LMX1A: variants seen among roughly 807,000 people sequenced by gnomAD.
LMX1A encodes LIM homeobox transcription factor 1-alpha.
In LMX1A, 15 loss-of-function variants were observed where a neutral mutation model predicts 49.1. The observed-to-expected ratio is 0.31, with a 90% CI of 0.20 to 0.47. LMX1A has a LOEUF of 0.47. Among genes scored for constraint, LMX1A ranks in the 20% least tolerant of loss-of-function variants. The pLI is 1.00. For missense variants in LMX1A, 372 were observed against 475.8 expected (o/e 0.78, Z 2.03); for synonymous variants, 167 against 185.7 (o/e 0.90, Z 0.82).
At chr1:165,316,822 C>A (rs949992134) in intron 3 of LMX1A, among the ~76,000 whole-genome samples, 31 of 152,150 alleles carry the variant, frequency 2.0e-4, no homozygotes, top group Admixed American at 1.2e-3. Context: ...CCTGTTGCAG[C>A]AACACCTCCC....
intron 3 of LMX1A, among the ~76,000 whole-genome samples, chr1:165,328,044 G>A (rs1655638865): frequency 6.6e-6 from 1 of 152,208 alleles, no homozygotes; most frequent in Admixed American, 6.5e-5. Context: ...AGACTAGTGG[G>A]GAAAGAAAGA....
chr1:165,279,906 C>T lies in LMX1A; in HGVS notation c.264-30266G>A, dbSNP rs192384958. Among the ~76,000 whole-genome samples, 30 of 151,986 alleles carry T rather than the reference C, an allele frequency of 2.0e-4. 1 individual carries two copies. The East Asian group carries it at 5.8e-3, about 30-fold the overall frequency. The stretch of plus-strand genomic sequence containing the variant: ...CCCCTCTCCCTGGGGCGGGCAAGTG[C>T]TCGTTTTACTGCCTGGCAACCAGAC... On this transcript the variant is annotated intron_variant, in intron 3 of 8. Transcript: ENST00000342310.
chr1:165,298,678 A>G (rs1654692458), intron 3 of LMX1A, among the ~76,000 whole-genome samples: 1 of 152,242 alleles, frequency 6.6e-6, no homozygotes, highest in Non-Finnish European at 1.5e-5. Context: ...AACCCACATA[A>G]GGTGTAACTT....
chr1:165,328,850 G>A (rs1379989625), intron 3 of LMX1A, among the ~76,000 whole-genome samples: 2 of 152,204 alleles, frequency 1.3e-5, no homozygotes, highest in African/African-American at 4.8e-5. Context: ...CAGTGCAATT[G>A]TCAGGAAAAA....
At chr1:165,204,583 A>G (rs193234400) in intron 8 of LMX1A, among the ~76,000 whole-genome samples, 1 of 152,362 alleles carries the variant, frequency 6.6e-6, no homozygotes, top group Non-Finnish European at 1.5e-5. Flanking sequence ...GGAAGCCAGT[A>G]GGGCACACAT....
At chr1:165,208,644 A>AT (rs1651203548) in intron 6 of LMX1A, among the ~76,000 whole-genome samples, 1 of 151,756 alleles carries the variant, frequency 6.6e-6, no homozygotes. Flanking sequence ...ATAGTTTTTT[A>AT]TTTTTTATTT....
chr1:165,302,213 C>T (rs1177803077), intron 3 of LMX1A, among the ~76,000 whole-genome samples: 11 of 144,260 alleles, frequency 7.6e-5, no homozygotes, highest in South Asian at 6.7e-4. Context: ...CGGTGGGGGG[C>T]GGGGTGGATC....
At chr1:165,257,550 T>C (rs1405990892) in intron 3 of LMX1A, among the ~76,000 whole-genome samples, 1 of 152,154 alleles carries the variant, frequency 6.6e-6, no homozygotes, top group Non-Finnish European at 1.5e-5. Context: ...GAACAAATAG[T>C]GTGTGGGGAC....
intron 4 of LMX1A, among the ~76,000 whole-genome samples, chr1:165,240,970 A>G (rs1451452071): frequency 2.0e-5 from 3 of 152,228 alleles, no homozygotes; most frequent in East Asian, 1.9e-4. Flanking sequence ...CTGGTCTATT[A>G]AAGAAAGGTA....
At chr1:165,343,416 TAA>T (rs1168251510) in intron 3 of LMX1A, among the ~76,000 whole-genome samples, 2 of 150,690 alleles carry the variant, frequency 1.3e-5, no homozygotes, top group African/African-American at 4.9e-5. Context: ...ATAATAATAA[TAA>T]TAATAATAAT....
intron 3 of LMX1A, 44 bp from the exon 4 acceptor site, chr1:165,249,684 C>G (rs1235260724): frequency 1.3e-6 from 2 of 1,524,440 alleles, no homozygotes; most frequent in Non-Finnish European, 1.8e-6. Flanking sequence ...TGAGTAAAAT[C>G]TGGCTTGGTC....
chr1:165,298,266 G>T (rs556269343), intron 3 of LMX1A, among the ~76,000 whole-genome samples: 3 of 152,164 alleles, frequency 2.0e-5, no homozygotes, highest in Admixed American at 6.5e-5. Flanking sequence ...ATTTACTGCC[G>T]GTGAGGGCCT....
intron 3 of LMX1A, among the ~76,000 whole-genome samples, chr1:165,343,489 T>C (rs1656145767): frequency 6.6e-6 from 1 of 152,156 alleles, no homozygotes. Flanking sequence ...AGGTTAATTA[T>C]CTTCTTTAAT....
rs1434166283 is a variant in LMX1A at position 165,249,650 on chromosome 1, G to T, written c.264-10C>A. On this transcript the variant is annotated splice_polypyrimidine_tract_variant and intron_variant, in intron 3 of 8. Transcript: ENST00000342310. ...TTTAACAGCAAACAGCCTGGCAGCA[G>T]GGAGAAAGGAAGTACATGCACCATG... is the stretch of plus-strand genomic sequence containing the variant. 1 of 1,609,410 alleles carries T rather than the reference G, an allele frequency of 6.2e-7. No individual in the cohort carries two copies. The highest frequency in any genetic ancestry group is 2.2e-5 in the East Asian group (1 of 44,788).
At chr1:165,333,318 C>T (rs1401677454) in intron 3 of LMX1A, among the ~76,000 whole-genome samples, 4 of 152,094 alleles carry the variant, frequency 2.6e-5, no homozygotes, top group Middle Eastern at 3.2e-3. Flanking sequence ...CCACCACGCC[C>T]GGCTAATTTT....
intron 3 of LMX1A, among the ~76,000 whole-genome samples, chr1:165,317,381 T>C (rs1655258479): frequency 6.6e-6 from 1 of 152,186 alleles, no homozygotes; most frequent in Non-Finnish European, 1.5e-5. Flanking sequence ...GCATTCTAGA[T>C]TTACCCTTCT....
intron 3 of LMX1A, among the ~76,000 whole-genome samples, chr1:165,311,467 C>T (rs1391503592): frequency 6.6e-6 from 1 of 152,160 alleles, no homozygotes; most frequent in African/African-American, 2.4e-5. Flanking sequence ...CCCCTCAGAA[C>T]CCCAGGTACT....
At chr1:165,211,763 C>CA (rs1297833897) in intron 5 of LMX1A, among the ~76,000 whole-genome samples, 1 of 152,314 alleles carries the variant, frequency 6.6e-6, no homozygotes, top group Non-Finnish European at 1.5e-5. Context: ...ATCCATTCCT[C>CA]AGAGGCCCAG....
At chr1:165,310,827 C>T (rs1025825677) in intron 3 of LMX1A, among the ~76,000 whole-genome samples, 3 of 152,200 alleles carry the variant, frequency 2.0e-5, no homozygotes, top group Non-Finnish European at 4.4e-5. Context: ...ATTTGCAATA[C>T]AGAGGGAATG....
Sources: gnomAD v4.1 joint callset for allele counts (sites outside exome capture counted in the v4.1 genomes callset) on GRCh38, gnomAD v4.1.1 for gene constraint, MANE v1.5 for transcripts, NCBI Gene and HGNC (gene_info 2026-07-23, HGNC 2026-07-21) for gene names.